Variants in TRPC4 observed in about 807,000 individuals in gnomAD.
TRPC4 encodes short transient receptor potential channel 4.
A neutral mutation model predicts 99.4 loss-of-function variants in TRPC4; 49 were observed. The observed-to-expected ratio is 0.49, with a 90% confidence interval of 0.39 to 0.63. TRPC4 has a LOEUF of 0.63. TRPC4 is among the 20% of genes least tolerant of loss of function. The probability of loss-of-function intolerance (pLI) is 0.00; values close to 1 mark genes in which losing one functional copy is unlikely to be tolerated. For synonymous variants in TRPC4, 454 were observed against 425.9 expected, an observed-to-expected ratio of 1.07 and a Z score of -0.81; for missense variants, 898 against 1,152.9, an observed-to-expected ratio of 0.78 and a Z score of 3.20.
chr13:37,687,270 C>G (rs2138850560), intron 4 of TRPC4, among the ~76,000 whole-genome samples: 1 of 152,232 alleles, frequency 6.6e-6, no homozygotes, highest in South Asian at 2.1e-4. Context: ...GCCCAAAGTT[C>G]TACTTCTTTC....
At chr13:37,701,440 CA>C (rs1387341577) in intron 3 of TRPC4, among the ~76,000 whole-genome samples, 1 of 152,090 alleles carries the variant, frequency 6.6e-6, no homozygotes, top group African/African-American at 2.4e-5. Context: ...TTCCCTCTCT[CA>C]TTCTTTTTTT....
intron 1 of TRPC4, among the ~76,000 whole-genome samples, chr13:37,809,497 A>G (rs1957618269): frequency 6.6e-6 from 1 of 151,442 alleles, no homozygotes; most frequent in Admixed American, 6.6e-5. Flanking sequence ...CTGACTTATA[A>G]GCTATTAAAA....
At chr13:37,824,951 C>T (rs1043434191) in intron 1 of TRPC4, among the ~76,000 whole-genome samples, 67 of 152,202 alleles carry the variant, frequency 4.4e-4, no homozygotes, top group African/African-American at 1.6e-3. Flanking sequence ...AATTTCTGAT[C>T]CTGTTATTGG....
chr13:37,656,622 T>C (rs1952246913), intron 6 of TRPC4, among the ~76,000 whole-genome samples: 2 of 152,116 alleles, frequency 1.3e-5, no homozygotes, highest in Admixed American at 1.3e-4. Context: ...AAGATCAGAA[T>C]TCCCCTCTAG....
At chr13:37,696,270 A>G (rs1343534890) in intron 3 of TRPC4, among the ~76,000 whole-genome samples, 1 of 152,194 alleles carries the variant, frequency 6.6e-6, no homozygotes, top group African/African-American at 2.4e-5. Context: ...CTCCCACAAC[A>G]TGTGGGAATT....
intron 8 of TRPC4, among the ~76,000 whole-genome samples, chr13:37,648,366 T>C (rs1951913925): frequency 6.6e-6 from 1 of 152,190 alleles, no homozygotes; most frequent in Non-Finnish European, 1.5e-5. Context: ...CCTTTTCATT[T>C]TGGAAATGCA....
chr13:37,651,203 A>G (rs1325654907), intron 8 of TRPC4, 62 bp downstream of exon 8: 4 of 1,582,820 alleles, frequency 2.5e-6, no homozygotes, highest in South Asian at 1.1e-5. Context: ...ACAATAAAGA[A>G]TACAAATATA....
At chr13:37,693,722 A>G (rs150214350) in intron 3 of TRPC4, among the ~76,000 whole-genome samples, 41 of 152,232 alleles carry the variant, frequency 2.7e-4, no homozygotes, top group Non-Finnish European at 1.3e-4. Context: ...TTTGGATTAG[A>G]TGAACAATGG....
intron 1 of TRPC4, among the ~76,000 whole-genome samples, chr13:37,841,744 G>A (rs1958735307): frequency 6.6e-6 from 1 of 152,046 alleles, no homozygotes; most frequent in Non-Finnish European, 1.5e-5. Context: ...GACACTAAAT[G>A]CTGGTGAGGA....
At chr13:37,863,690 T>A (rs1593342560) in intron 1 of TRPC4, among the ~76,000 whole-genome samples, 1 of 151,612 alleles carries the variant, frequency 6.6e-6, no homozygotes, top group African/African-American at 2.4e-5. Flanking sequence ...TGTACATAAA[T>A]CATGATAGAT....
At chr13:37,828,468 C>T (rs772964678) in intron 1 of TRPC4, among the ~76,000 whole-genome samples, 6 of 152,164 alleles carry the variant, frequency 3.9e-5, no homozygotes, top group Admixed American at 2.0e-4. Context: ...ATTTAACACA[C>T]CCATTCCATT....
intron 5 of TRPC4, among the ~76,000 whole-genome samples, chr13:37,666,631 C>T (rs957221709): frequency 5.9e-5 from 9 of 152,182 alleles, no homozygotes; most frequent in Middle Eastern, 3.4e-3. Context: ...TTCAATCAGT[C>T]GATGAATTTT....
At chr13:37,772,613 T>C (rs1956586065) in intron 2 of TRPC4, among the ~76,000 whole-genome samples, 1 of 151,684 alleles carries the variant, frequency 6.6e-6, no homozygotes, top group African/African-American at 2.4e-5. Context: ...ATTCTAAGAG[T>C]ATGAGGAGGC....
In TRPC4 at chr13:37,691,991, A is replaced by G; in HGVS notation, c.1234+8T>C. The G allele has an allele frequency of 1.3e-6, 2 of 1,598,260 alleles. No individual in the cohort carries two copies. Among genetic ancestry groups the G allele is most frequent in the Non-Finnish European group, 8.5e-7 (1 of 1,170,522 alleles). ...TTTTTATTATATTTTCTATAGTAAC[A>G]CATTTACCCAGGACCCACGGTAATA... On this transcript the variant is annotated splice_region_variant and intron_variant, in intron 4 of 10. Coordinates refer to ENST00000379705, the MANE Select transcript of TRPC4 (RefSeq NM_016179.4).
At chr13:37,846,326 C>G (rs933234651) in intron 1 of TRPC4, among the ~76,000 whole-genome samples, 2 of 152,064 alleles carry the variant, frequency 1.3e-5, no homozygotes, top group Admixed American at 1.3e-4. Context: ...GCAACTTTAT[C>G]TCTACTAGGA....
At chr13:37,862,449 A>C (rs538886579) in intron 1 of TRPC4, among the ~76,000 whole-genome samples, 2 of 151,706 alleles carry the variant, frequency 1.3e-5, no homozygotes, top group Non-Finnish European at 3.0e-5. Flanking sequence ...ACAGTAAAAA[A>C]ACTTAAGTCC....
chr13:37,857,876 C>T (rs941326864), intron 1 of TRPC4, among the ~76,000 whole-genome samples: 2 of 151,554 alleles, frequency 1.3e-5, no homozygotes, highest in African/African-American at 4.8e-5. Context: ...TTGAGTAATA[C>T]CCCGCAAGCA....
At chr13:37,857,396 C>T (rs1403263985) in intron 1 of TRPC4, among the ~76,000 whole-genome samples, 2 of 151,752 alleles carry the variant, frequency 1.3e-5, no homozygotes, top group South Asian at 4.1e-4. Flanking sequence ...CAATGACATT[C>T]TTCACAGAAA....
chr13:37,854,763 A>T (rs1247611979), intron 1 of TRPC4: 1 of 152,054 alleles, frequency 6.6e-6, no homozygotes, highest in Non-Finnish European at 1.5e-5. Flanking sequence ...TACCCTGAAA[A>T]TACAAACCAA....
Sources: allele counts gnomAD v4.1 joint callset (sites outside exome capture counted in the v4.1 genomes callset), GRCh38; gene constraint gnomAD v4.1.1; transcripts MANE v1.5; gene names NCBI Gene and HGNC (gene_info 2026-07-23, HGNC 2026-07-21).